The following HDAC9 variants were observed in gnomAD, a reference collection of about 807,000 sequenced individuals.
The protein encoded by HDAC9 is histone deacetylase 9.
Under a neutral mutation model 139.4 loss-of-function variants are expected in HDAC9, and 41 were observed. The ratio of observed to expected loss-of-function variants is 0.29; its 90% CI spans 0.23 to 0.38. The LOEUF is 0.38. HDAC9 is among the 10% of genes least tolerant of loss of function. The pLI is 1.00. For missense variants in HDAC9, 1,147 were observed against 1,297.0 expected, an observed-to-expected ratio of 0.88 and a Z score of 1.78; for synonymous variants, 517 against 476.2, an observed-to-expected ratio of 1.09 and a Z score of -1.12.
chr7:18,618,198 A>T (rs1839194211), intron 6 of HDAC9, among the ~76,000 whole-genome samples: 1 of 152,138 alleles, frequency 6.6e-6, no homozygotes, highest in Non-Finnish European at 1.5e-5. Flanking sequence ...TATTGTAGTC[A>T]ATGTATTCCA....
chr7:18,406,584 G>A (rs540958500), intron 1 of HDAC9, among the ~76,000 whole-genome samples: 1 of 151,880 alleles, frequency 6.6e-6, no homozygotes, highest in East Asian at 1.9e-4. Context: ...TAGTAGAGAC[G>A]GGGTTTCACC....
intron 6 of HDAC9, among the ~76,000 whole-genome samples, chr7:18,606,829 A>G (rs1230250955): frequency 6.6e-6 from 1 of 152,108 alleles, no homozygotes; most frequent in East Asian, 1.9e-4. Flanking sequence ...TTAAACTAAC[A>G]TATCTGAAAT....
chr7:18,960,235 T>A (rs1337045719), intron 24 of HDAC9, among the ~76,000 whole-genome samples: 1 of 152,106 alleles, frequency 6.6e-6, no homozygotes, highest in Non-Finnish European at 1.5e-5. Flanking sequence ...CTCTCACACA[T>A]TCTAGAGTAA....
At chr7:18,940,178 A>G (rs1781927842) in intron 23 of HDAC9, among the ~76,000 whole-genome samples, 1 of 152,078 alleles carries the variant, frequency 6.6e-6, no homozygotes, top group African/African-American at 2.4e-5. Context: ...GTGTAGACAC[A>G]TAGAGGGGTA....
intron 25 of HDAC9, 115 bp downstream of exon 25, chr7:18,976,068 G>A (rs1784529810): frequency 9.4e-7 from 1 of 1,061,832 alleles, no homozygotes; most frequent in Admixed American, 2.5e-5. Context: ...TCCACCACCT[G>A]TCCTCTCCAA....
At chr7:18,799,454 G>T (rs1159693895) in intron 17 of HDAC9, among the ~76,000 whole-genome samples, 1 of 152,170 alleles carries the variant, frequency 6.6e-6, no homozygotes, top group African/African-American at 2.4e-5. Flanking sequence ...AGTTAGCTCA[G>T]TTATCAGACT....
intron 1 of HDAC9, among the ~76,000 whole-genome samples, chr7:18,303,416 TG>T (rs1359354246): frequency 8.5e-6 from 1 of 117,908 alleles, no homozygotes; most frequent in East Asian, 2.1e-4. Flanking sequence ...TGTGTGTGTG[TG>T]TGTGTGTTTT....
chr7:18,255,542 G>C (rs1207796352), intron 2 of HDAC9, among the ~76,000 whole-genome samples: 1 of 151,860 alleles, frequency 6.6e-6, no homozygotes, highest in African/African-American at 2.4e-5. Flanking sequence ...GTTGTGGCCA[G>C]ACTGTGGATA....
At chr7:18,192,938 G>A (rs926592658) in intron 2 of HDAC9, among the ~76,000 whole-genome samples, 1 of 152,192 alleles carries the variant, frequency 6.6e-6, no homozygotes, top group Non-Finnish European at 1.5e-5. Context: ...CCATTTTACA[G>A]ATGAGGAAAC....
chr7:18,465,184 C>T (rs1276131491), intron 1 of HDAC9, among the ~76,000 whole-genome samples: 4 of 151,832 alleles, frequency 2.6e-5, no homozygotes, highest in East Asian at 3.9e-4. Context: ...TTTTTAGTTT[C>T]TTGAAGTTCT....
At chr7:18,279,922 C>T (rs1321077599) in intron 2 of HDAC9, among the ~76,000 whole-genome samples, 1 of 151,588 alleles carries the variant, frequency 6.6e-6, no homozygotes, top group Admixed American at 6.6e-5. Flanking sequence ...TGGCTAGTGT[C>T]GAAAGGGGAA....
intron 19 of HDAC9, among the ~76,000 whole-genome samples, chr7:18,832,688 T>C (rs1795937119): frequency 1.3e-5 from 2 of 152,094 alleles, no homozygotes; most frequent in African/African-American, 4.8e-5. Flanking sequence ...ATCAGTACTT[T>C]GTATGAATAT....
At chr7:18,881,513 A>C (rs1287248404) in intron 22 of HDAC9, among the ~76,000 whole-genome samples, 2 of 152,044 alleles carry the variant, frequency 1.3e-5, no homozygotes, top group Non-Finnish European at 2.9e-5. Flanking sequence ...TGTTTTGGTG[A>C]AGTTGACTGC....
At chr7:18,188,984 C>T (rs148779384) in intron 2 of HDAC9, among the ~76,000 whole-genome samples, 4,296 of 152,216 alleles carry the variant, frequency 0.028, 108 homozygotes, top group East Asian at 0.11. Context: ...CCAGCAATCC[C>T]ATTACTGGGT....
intron 1 of HDAC9, among the ~76,000 whole-genome samples, chr7:18,420,350 A>G (rs1386953562): frequency 6.6e-6 from 1 of 152,198 alleles, no homozygotes; most frequent in East Asian, 1.9e-4. Flanking sequence ...AGAGGTAACG[A>G]TATCAAAGTT....
At chr7:18,363,710 A>T (rs1240289064) in intron 1 of HDAC9, among the ~76,000 whole-genome samples, 1 of 152,136 alleles carries the variant, frequency 6.6e-6, no homozygotes, top group Non-Finnish European at 1.5e-5. Context: ...AGAGAAAGCC[A>T]ATGGGCTGAA....
At chr7:18,530,860 A>AAT (rs1808685418) in intron 2 of HDAC9, among the ~76,000 whole-genome samples, 1 of 150,938 alleles carries the variant, frequency 6.6e-6, no homozygotes, top group South Asian at 2.1e-4. Flanking sequence ...TGAGAATTTA[A>AAT]ATATAGATAC....
At chr7:18,428,907 G>T (rs1270635238) in intron 1 of HDAC9, among the ~76,000 whole-genome samples, 1 of 152,172 alleles carries the variant, frequency 6.6e-6, no homozygotes, top group Admixed American at 6.5e-5. Context: ...TGCATTTGCT[G>T]ATCCCAGTGC....
At chr7:18,718,600 T>C (rs192439721) in intron 12 of HDAC9, among the ~76,000 whole-genome samples, 10 of 152,322 alleles carry the variant, frequency 6.6e-5, no homozygotes, top group Admixed American at 1.3e-4. Flanking sequence ...CATGTATCAC[T>C]GTTTCTTTCC....
Sources: gnomAD v4.1 joint callset for allele counts (sites outside exome capture counted in the v4.1 genomes callset) on GRCh38, gnomAD v4.1.1 for gene constraint, MANE v1.5 for transcripts, NCBI Gene and HGNC (gene_info 2026-07-23, HGNC 2026-07-21) for gene names.